Variants in CSRNP3 observed in about 807,000 individuals in gnomAD.
CSRNP3 encodes the protein cysteine/serine-rich nuclear protein 3.
A neutral mutation model predicts 48.0 loss-of-function variants in CSRNP3; 12 were observed. The observed-to-expected ratio is 0.25, with a 90% CI of 0.16 to 0.41. The LOEUF (loss-of-function observed/expected upper bound fraction) is 0.41. CSRNP3 is among the 10% of genes least tolerant of loss of function. The probability of loss-of-function intolerance (pLI) is 1.00; values close to 1 mark genes in which losing one functional copy is unlikely to be tolerated. For synonymous variants in CSRNP3, 263 were observed against 269.7 expected, an observed-to-expected ratio of 0.98 and a Z score of 0.24; for missense variants, 580 against 724.4, an observed-to-expected ratio of 0.80 and a Z score of 2.29.
chr2:165,596,135 ATTTTT>A (rs11317294), intron 4 of CSRNP3, among the ~76,000 whole-genome samples: 3 of 120,512 alleles, frequency 2.5e-5, no homozygotes, highest in Non-Finnish European at 5.3e-5. Flanking sequence ...TTTCTTTTTG[ATTTTT>A]TTTTTTTTTT....
intron 4 of CSRNP3, 61 bp downstream of exon 4, chr2:165,595,274 C>A: frequency 1.4e-6 from 2 of 1,444,874 alleles, no homozygotes; most frequent in South Asian, 1.3e-5. Flanking sequence ...CTAATTGTGT[C>A]ATTTTTATTT....
chr2:165,517,233 C>T (rs951664453), intron 2 of CSRNP3, among the ~76,000 whole-genome samples: 7 of 151,926 alleles, frequency 4.6e-5, no homozygotes, highest in Non-Finnish European at 8.8e-5. Context: ...CATCATCTGT[C>T]TAAATGGTTG....
At chr2:165,531,365 A>G (rs1163184301) in intron 3 of CSRNP3, among the ~76,000 whole-genome samples, 5 of 152,208 alleles carry the variant, frequency 3.3e-5, no homozygotes, top group African/African-American at 1.2e-4. Flanking sequence ...GCGGTTGCAC[A>G]TTGGAATCCA....
rs190753898 is a variant in CSRNP3 at position 165,664,374 on chromosome 2, G to A, written c.408+6354G>A. 3.2e-3 allele frequency among the ~76,000 whole-genome samples: 481 copies of A among 152,252 alleles called. 7 individuals are homozygous for A. The highest frequency in any genetic ancestry group is 7.8e-3 in the Admixed American group (120 of 15,292). ...CCAGAGCACACAGCTTTTTGAAATA[G>A]CGCATTTCATTTTGCAGCTTTAATT... On this transcript the variant is annotated intron_variant, in intron 5 of 6. Coordinates refer to ENST00000651982, the MANE Select transcript of CSRNP3 (RefSeq NM_001172173.2).
intron 1 of CSRNP3, among the ~76,000 whole-genome samples, chr2:165,478,993 A>G (rs945293300): frequency 2.0e-5 from 3 of 152,220 alleles, no homozygotes; most frequent in Non-Finnish European, 4.4e-5. Context: ...CTAAAGATAA[A>G]CAGGACATTA....
At chr2:165,633,882 T>G (rs1430445087) in intron 4 of CSRNP3, among the ~76,000 whole-genome samples, 3 of 152,220 alleles carry the variant, frequency 2.0e-5, no homozygotes, top group Non-Finnish European at 4.4e-5. Flanking sequence ...ACTGTTGAAA[T>G]CCTGCCCACA....
chr2:165,499,279 G>A (rs1466776166), intron 2 of CSRNP3, among the ~76,000 whole-genome samples: 5 of 152,164 alleles, frequency 3.3e-5, no homozygotes, highest in Admixed American at 1.3e-4. Context: ...TGAAGCAAAT[G>A]TCCTTGTGTT....
intron 3 of CSRNP3, among the ~76,000 whole-genome samples, chr2:165,557,072 C>G (rs1685169304): frequency 6.6e-6 from 1 of 152,096 alleles, no homozygotes; most frequent in Admixed American, 6.6e-5. Context: ...CAAGGGTCAG[C>G]AAACTATGGC....
chr2:165,640,302 G>A (rs1478344715), intron 4 of CSRNP3, among the ~76,000 whole-genome samples: 1 of 152,188 alleles, frequency 6.6e-6, no homozygotes, highest in Non-Finnish European at 1.5e-5. Flanking sequence ...TGAGGTGAGC[G>A]AGACAGAAAG....
At chr2:165,617,532 G>A (rs1283825553) in intron 4 of CSRNP3, among the ~76,000 whole-genome samples, 2 of 152,176 alleles carry the variant, frequency 1.3e-5, no homozygotes, top group African/African-American at 4.8e-5. Flanking sequence ...CAATCCTCAG[G>A]CCCCTAGGTG....
intron 3 of CSRNP3, among the ~76,000 whole-genome samples, chr2:165,580,298 G>T (rs1043003709): frequency 6.6e-6 from 1 of 152,062 alleles, no homozygotes; most frequent in African/African-American, 2.4e-5. Flanking sequence ...TTACATTTCC[G>T]TAGAACATTT....
chr2:165,657,609 T>G (rs1328311550), intron 4 of CSRNP3, 152 bp from the exon 5 acceptor site: 2 of 822,662 alleles, frequency 2.4e-6, no homozygotes, highest in Non-Finnish European at 3.8e-6. Context: ...AAATTAGAAC[T>G]CTATGCCAAC....
At chr2:165,509,101 A>G (rs1186448539) in intron 2 of CSRNP3, among the ~76,000 whole-genome samples, 1 of 152,180 alleles carries the variant, frequency 6.6e-6, no homozygotes, top group Non-Finnish European at 1.5e-5. Flanking sequence ...GTGTTTATCC[A>G]TTCAACAAGA....
At chr2:165,571,090 C>T (rs1265582028) in intron 3 of CSRNP3, among the ~76,000 whole-genome samples, 1 of 151,832 alleles carries the variant, frequency 6.6e-6, no homozygotes, top group Non-Finnish European at 1.5e-5. Flanking sequence ...GAATTTCTTA[C>T]TAATGGAAGG....
At position 165,601,916 on chromosome 2, in the gene CSRNP3, G is replaced by T. The variant is rs965680275; in HGVS notation, c.148+6703G>T. 4.6e-5 allele frequency among the ~76,000 whole-genome samples: 7 copies of T among 152,184 alleles called. 1 individual carries two copies. The highest frequency in any genetic ancestry group is 4.6e-4 in the Admixed American group (7 of 15,274). ...GCAGTTAAAATGCATTGAAGATTTAGATTTAATTTCAACAAACATGGTATC... is the reference window on the plus strand; with the variant it reads ...GCAGTTAAAATGCATTGAAGATTTATATTTAATTTCAACAAACATGGTATC... On this transcript the variant is annotated intron_variant, in intron 4 of 6. Transcript: ENST00000651982.
rs182873613 is a variant in CSRNP3 at position 165,614,518 on chromosome 2, A to G, written c.148+19305A>G. ...TTGTCTTTTTCCCGTTTTTAGAGTA[A>G]AGGCTTTCAGCTTTTCCCTATTCAG... On this transcript the variant is annotated intron_variant, in intron 4 of 6. Transcript: ENST00000651982. 4.7e-3 allele frequency among the ~76,000 whole-genome samples: 714 copies of G among 152,276 alleles called. 2 individuals carry two copies. Among genetic ancestry groups the G allele is most frequent in the Non-Finnish European group, 7.7e-3 (526 of 68,016 alleles).
At chr2:165,656,912 G>T (rs2105346259) in intron 4 of CSRNP3, among the ~76,000 whole-genome samples, 1 of 152,312 alleles carries the variant, frequency 6.6e-6, no homozygotes, top group Admixed American at 6.5e-5. Flanking sequence ...AGGATTAGAG[G>T]AAATGAGAAA....
chr2:165,674,713 T>TATAA (rs1491404246), intron 5 of CSRNP3, among the ~76,000 whole-genome samples: 8 of 133,298 alleles, frequency 6.0e-5, no homozygotes, highest in African/African-American at 2.2e-4. Context: ...TATATATATA[T>TATAA]AATTTGTTTA....
intron 4 of CSRNP3, among the ~76,000 whole-genome samples, chr2:165,596,306 CAAG>C (rs990427561): frequency 5.9e-5 from 9 of 151,986 alleles, no homozygotes; most frequent in African/African-American, 2.2e-4. Context: ...GTTCCTTAAA[CAAG>C]AAGATTTTAA....
Sources: gnomAD v4.1 joint callset for allele counts (sites outside exome capture counted in the v4.1 genomes callset) on GRCh38, gnomAD v4.1.1 for gene constraint, MANE v1.5 for transcripts, NCBI Gene and HGNC (gene_info 2026-07-23, HGNC 2026-07-21) for gene names.